The following COL23A1 variants were observed in gnomAD, a reference collection of about 807,000 sequenced individuals.
The protein encoded by COL23A1 is collagen type XXIII alpha 1 chain.
A neutral mutation model predicts 99.3 loss-of-function variants in COL23A1; 97 were observed. That is an observed-to-expected ratio of 0.98 (90% CI 0.83 to 1.16). The LOEUF (loss-of-function observed/expected upper bound fraction) is 1.16, where lower values mean the gene tolerates loss of function less well. Among genes scored for constraint, COL23A1 ranks in the 50% most tolerant of loss-of-function variants. The pLI is 0.00. For missense variants in COL23A1, 762 were observed against 757.4 expected (o/e 1.01, Z -0.07); for synonymous variants, 320 against 308.2 (o/e 1.04, Z -0.40).
At chr5:178,276,587 C>T (rs923889685) in intron 5 of COL23A1, among the ~76,000 whole-genome samples, 1 of 151,942 alleles carries the variant, frequency 6.6e-6, no homozygotes, top group African/African-American at 2.4e-5. Flanking sequence ...TTAGAGCCGG[C>T]TGGTGGATAA....
Position 178,387,313 on chromosome 5 carries a change from C to T in COL23A1, c.362-80394G>A, listed in dbSNP as rs1317529231. 6.6e-6 allele frequency among the ~76,000 whole-genome samples: 1 copy of T among 152,158 alleles called. No homozygotes were observed. The stretch of plus-strand genomic sequence containing the variant: ...CACTTCTCTTCCTCGTCTCCTTCCA[C>T]ATGCCCTTCAAATGTCCAGCCCTGG... On this transcript the variant is annotated intron_variant, in intron 2 of 28. Coordinates refer to ENST00000390654, the MANE Select transcript of COL23A1 (RefSeq NM_173465.4). The surrounding 1 kb of genome is among the most constrained non-coding windows in gnomAD (Gnocchi z 4.7).
intron 2 of COL23A1, among the ~76,000 whole-genome samples, chr5:178,380,658 T>C (rs1763329336): frequency 6.6e-6 from 1 of 152,104 alleles, no homozygotes; most frequent in Non-Finnish European, 1.5e-5. Flanking sequence ...TTTGAGCCAA[T>C]GAAGGAGGTG....
intron 2 of COL23A1, among the ~76,000 whole-genome samples, chr5:178,518,744 A>G (rs112968399): frequency 0.55 from 73,460 of 132,946 alleles, 18,152 homozygotes; most frequent in East Asian, 0.8. Context: ...ACGGGGTGGC[A>G]GCCGGGCAGA....
At chr5:178,498,224 A>ATATATATATATATATATATATT (rs1758309465) in intron 2 of COL23A1, among the ~76,000 whole-genome samples, 2 of 86,106 alleles carry the variant, frequency 2.3e-5, no homozygotes, top group African/African-American at 1.2e-4. Flanking sequence ...ATATATATAT[A>ATATATATATATATATATATATT]TATATATATA....
chr5:178,586,614 A>C (rs963707342), intron 1 of COL23A1, among the ~76,000 whole-genome samples: 13 of 151,910 alleles, frequency 8.6e-5, no homozygotes, highest in South Asian at 6.2e-4. Flanking sequence ...TGCAAGGAAA[A>C]AAAAAAAAGG....
At chr5:178,441,656 C>T (rs973342441) in intron 2 of COL23A1, among the ~76,000 whole-genome samples, 1 of 152,102 alleles carries the variant, frequency 6.6e-6, no homozygotes, top group Non-Finnish European at 1.5e-5. Context: ...AAGACAAACA[C>T]AAACATGCTT....
rs1763199127 is a variant in COL23A1, at chr5:178,573,327, C to T, written c.295-12579G>A. ...CATCACACTGAGCCTCAGGTTCTGC[C>T]TGGGTTCGGTGACAGGTAAAGCACC... On this transcript the variant is annotated intron_variant, in intron 1 of 28. Coordinates refer to ENST00000390654, the MANE Select transcript of COL23A1 (RefSeq NM_173465.4). 2.6e-5 allele frequency among the ~76,000 whole-genome samples: 4 copies of T among 152,326 alleles called. No individual in the cohort carries two copies. The South Asian group carries it at 8.3e-4, about 32-fold the overall frequency.
At chr5:178,299,110 GTTTC>G (rs1220581855) in intron 3 of COL23A1, among the ~76,000 whole-genome samples, 1 of 152,180 alleles carries the variant, frequency 6.6e-6, no homozygotes, top group Non-Finnish European at 1.5e-5. Flanking sequence ...TTGGTCTATA[GTTTC>G]TTTTTTTGTG....
chr5:178,448,120 T>C (rs112235660), intron 2 of COL23A1, among the ~76,000 whole-genome samples: 15 of 151,910 alleles, frequency 9.9e-5, no homozygotes, highest in East Asian at 7.8e-4. Flanking sequence ...ACAGTCCGTT[T>C]TGTTCTGTTA....
chr5:178,420,738 A>G (rs1765591975), intron 2 of COL23A1, among the ~76,000 whole-genome samples: 1 of 126,844 alleles, frequency 7.9e-6, no homozygotes, highest in Non-Finnish European at 1.6e-5. Context: ...GGGCTACAGC[A>G]CAAGGGGAAT....
At chr5:178,317,795 T>C (rs1430503377) in intron 2 of COL23A1, among the ~76,000 whole-genome samples, 1 of 152,208 alleles carries the variant, frequency 6.6e-6, no homozygotes, top group Admixed American at 6.5e-5. Flanking sequence ...AGAGGGTTAA[T>C]GGACTCATGT....
At chr5:178,388,531 A>C (rs926555885) in intron 2 of COL23A1, among the ~76,000 whole-genome samples, 2 of 152,142 alleles carry the variant, frequency 1.3e-5, no homozygotes, top group East Asian at 1.9e-4. Flanking sequence ...CCCAGCTGGG[A>C]GAGGAAGGAG....
chr5:178,480,882 A>T (rs1757295674), intron 2 of COL23A1, among the ~76,000 whole-genome samples: 1 of 152,144 alleles, frequency 6.6e-6, no homozygotes, highest in South Asian at 2.1e-4. Context: ...ACGGTGGCTC[A>T]CGGCTGTAAT....
Position 178,366,789 on chromosome 5 carries a change from T to C in COL23A1, c.362-59870A>G, listed in dbSNP as rs935899851. ...CTAAATCATTATCTATTGCTGAGGC[T>C]CACAGCAGATGTCGCCTCTTCCATA... On this transcript the variant is annotated intron_variant, in intron 2 of 28. Transcript: ENST00000390654. This position sits in a 1 kb window ranked among gnomAD's most constrained non-coding sequence, Gnocchi z 4.4. 6.6e-6 allele frequency among the ~76,000 whole-genome samples: 1 copy of C among 152,196 alleles called. No homozygotes were observed. The highest frequency in any genetic ancestry group is 2.4e-5 in the African/African-American group (1 of 41,450).
At chr5:178,521,274 C>T (rs1009883420) in intron 2 of COL23A1, among the ~76,000 whole-genome samples, 2 of 152,186 alleles carry the variant, frequency 1.3e-5, no homozygotes, top group African/African-American at 4.8e-5. Context: ...TTAAAGCTGG[C>T]CGGGCGCGGT....
Position 178,348,128 on chromosome 5 carries a change from C to A in COL23A1, c.362-41209G>T, listed in dbSNP as rs1037049341. ...TGTGACCTCACCCCCGCCCCTGTTC[C>A]CATCCAGCTCCAGCTGCCCTGACGC... On this transcript the variant is annotated intron_variant, in intron 2 of 28. Coordinates refer to ENST00000390654, the MANE Select transcript of COL23A1 (RefSeq NM_173465.4). Among the ~76,000 whole-genome samples the A allele has an allele frequency of 5.3e-5, 8 of 152,056 alleles. 1 individual carries two copies. Among genetic ancestry groups the A allele is most frequent in the African/African-American group, 1.9e-4 (8 of 41,504 alleles).
intron 2 of COL23A1, among the ~76,000 whole-genome samples, chr5:178,532,235 T>C (rs1760689103): frequency 6.6e-6 from 1 of 152,220 alleles, no homozygotes; most frequent in Admixed American, 6.5e-5. Context: ...AGGTTATTCC[T>C]TAGAAACAAT....
chr5:178,487,295 TA>T (rs1554182820), intron 2 of COL23A1, among the ~76,000 whole-genome samples: 14 of 123,826 alleles, frequency 1.1e-4, no homozygotes, highest in Admixed American at 2.3e-4. Context: ...CAGTTTTATT[TA>T]TTTATTTATT....
At chr5:178,555,564 T>C (rs1021502174) in intron 2 of COL23A1, among the ~76,000 whole-genome samples, 3 of 152,136 alleles carry the variant, frequency 2.0e-5, no homozygotes, top group African/African-American at 7.2e-5. Context: ...CATTTCTAGT[T>C]GTCTGCACTA....
Sources: allele counts gnomAD v4.1 joint callset (sites outside exome capture counted in the v4.1 genomes callset), GRCh38; gene constraint gnomAD v4.1.1; non-coding constraint Gnocchi (gnomAD v3.1); transcripts MANE v1.5; gene names NCBI Gene and HGNC (gene_info 2026-07-23, HGNC 2026-07-21).